The following RAB3C variants were observed in gnomAD, a reference collection of about 807,000 sequenced individuals.
RAB3C encodes RAB3C, member RAS oncogene family.
In RAB3C, 17 loss-of-function variants were observed where a neutral mutation model predicts 26.4. The observed-to-expected ratio is 0.64, with a 90% CI of 0.44 to 0.97. The LOEUF (loss-of-function observed/expected upper bound fraction) is 0.97. Among genes scored for constraint, RAB3C ranks in the 50% least tolerant of loss-of-function variants. The pLI is 0.00. For missense variants in RAB3C, 242 were observed against 281.9 expected, an observed-to-expected ratio of 0.86 and a Z score of 1.01; for synonymous variants, 91 against 95.9, an observed-to-expected ratio of 0.95 and a Z score of 0.30.
Position 58,854,643 on chromosome 5 carries a change from A to T in RAB3C, c.*3292A>T, listed in dbSNP as rs1321165446. ...ACTTCTAATGACTGTGAAAGCTAGG[A>T]GGTTCTTCTAGTTCCTCCTTAGGGT... is the stretch of plus-strand genomic sequence containing the variant. On this transcript the variant is annotated 3_prime_UTR_variant, in exon 5 of 5. Transcript: ENST00000282878. The T allele has an allele frequency of 2.6e-5, 4 of 152,202 alleles. No individual in the cohort carries two copies. In the East Asian group the frequency reaches 7.7e-4, roughly 29 times the overall value. 9.4% of individuals were successfully genotyped at this position (152,202 alleles called of 1,614,324 possible). A position where few individuals can be genotyped will look rare whatever the true frequency, so the allele number is the denominator to read the frequency against.
At position 58,715,547 on chromosome 5, in the gene RAB3C, G is replaced by C. The variant is rs138801946; in HGVS notation, c.253-10455G>C. Among the ~76,000 whole-genome samples, 15 of 152,054 alleles carry C rather than the reference G, an allele frequency of 9.9e-5. No homozygotes were observed. In the East Asian group the frequency reaches 2.7e-3, roughly 28 times the overall value. ...GTTGTGATTAAAGATTTTAAGTGCCGGTGACACAGTAGATTTTGGAGAATT... is the reference window on the plus strand; with the variant it reads ...GTTGTGATTAAAGATTTTAAGTGCCCGTGACACAGTAGATTTTGGAGAATT... On this transcript the variant is annotated intron_variant, in intron 2 of 4. Coordinates refer to ENST00000282878, the MANE Select transcript of RAB3C (RefSeq NM_138453.4).
At chr5:58,709,934 C>T (rs182448427) in intron 2 of RAB3C, among the ~76,000 whole-genome samples, 1 of 152,206 alleles carries the variant, frequency 6.6e-6, no homozygotes, top group East Asian at 1.9e-4. Flanking sequence ...CTTAGGAGGC[C>T]GTGGGTAACT....
At chr5:58,749,290 A>AT (rs1008264412) in intron 3 of RAB3C, among the ~76,000 whole-genome samples, 15 of 152,288 alleles carry the variant, frequency 9.8e-5, no homozygotes, top group African/African-American at 3.6e-4. Context: ...AGAAATTGTG[A>AT]TTTTTAAAAA....
At chr5:58,752,727 CCTTTA>C (rs1239797990) in intron 3 of RAB3C, among the ~76,000 whole-genome samples, 2 of 152,114 alleles carry the variant, frequency 1.3e-5, no homozygotes, top group Non-Finnish European at 1.5e-5. Context: ...ATCTGAATTT[CCTTTA>C]CTTTGCTCAA....
intron 2 of RAB3C, among the ~76,000 whole-genome samples, chr5:58,722,273 T>A (rs1394552168): frequency 6.6e-6 from 1 of 151,590 alleles, no homozygotes; most frequent in Non-Finnish European, 1.5e-5. Context: ...ACAGAAAAGG[T>A]CTGGGTCACC....
intron 3 of RAB3C, among the ~76,000 whole-genome samples, chr5:58,773,803 C>G (rs1742072539): frequency 6.6e-6 from 1 of 152,108 alleles, no homozygotes; most frequent in African/African-American, 2.4e-5. Context: ...ACATCCTCTT[C>G]TAGCAATTCC....
intron 4 of RAB3C, among the ~76,000 whole-genome samples, chr5:58,841,326 TC>T (rs1284085197): frequency 6.6e-6 from 1 of 152,164 alleles, no homozygotes; most frequent in East Asian, 1.9e-4. Context: ...GGAGTTGTTT[TC>T]CCTGCTGTGC....
chr5:58,811,733 G>T (rs1211893373), intron 3 of RAB3C, among the ~76,000 whole-genome samples: 1 of 151,418 alleles, frequency 6.6e-6, no homozygotes, highest in African/African-American at 2.4e-5. Context: ...AGGACAGTCA[G>T]AGCTAAACTC....
intron 2 of RAB3C, among the ~76,000 whole-genome samples, chr5:58,687,832 C>T (rs1019355942): frequency 2.0e-5 from 3 of 152,040 alleles, no homozygotes; most frequent in African/African-American, 7.2e-5. Flanking sequence ...CTAGTCACTA[C>T]TGTATTATTT....
At chr5:58,703,793 A>G (rs773864656) in intron 2 of RAB3C, among the ~76,000 whole-genome samples, 4 of 152,206 alleles carry the variant, frequency 2.6e-5, no homozygotes, top group Non-Finnish European at 5.9e-5. Context: ...AAATTTGAGC[A>G]TCACTACACT....
At chr5:58,791,698 A>G (rs1174587253) in intron 3 of RAB3C, among the ~76,000 whole-genome samples, 3 of 152,246 alleles carry the variant, frequency 2.0e-5, no homozygotes, top group Non-Finnish European at 2.9e-5. Flanking sequence ...GTTTATAATA[A>G]AAGAGACTGT....
intron 3 of RAB3C, among the ~76,000 whole-genome samples, chr5:58,810,415 G>GTGTT (rs1337963410): frequency 6.7e-6 from 1 of 149,466 alleles, no homozygotes; most frequent in Non-Finnish European, 1.5e-5. Context: ...GTGTGTGTGT[G>GTGTT]TTTTCTTAGA....
At chr5:58,596,173 A>T (rs963591379) in intron 1 of RAB3C, among the ~76,000 whole-genome samples, 2 of 151,950 alleles carry the variant, frequency 1.3e-5, no homozygotes, top group Non-Finnish European at 2.9e-5. Context: ...ATTCCCAGGC[A>T]AACTAGGACA....
At chr5:58,799,774 T>C (rs1260256932) in intron 3 of RAB3C, among the ~76,000 whole-genome samples, 1 of 152,132 alleles carries the variant, frequency 6.6e-6, no homozygotes, top group African/African-American at 2.4e-5. Flanking sequence ...CATGCTGGGA[T>C]CTAAATGAAT....
chr5:58,618,872 G>A (rs188001206), intron 2 of RAB3C, among the ~76,000 whole-genome samples: 2 of 152,238 alleles, frequency 1.3e-5, no homozygotes, highest in African/African-American at 4.8e-5. Context: ...ATTTACAACA[G>A]CTACTACCAT....
chr5:58,676,978 T>G (rs1748243413), intron 2 of RAB3C, among the ~76,000 whole-genome samples: 1 of 152,130 alleles, frequency 6.6e-6, no homozygotes, highest in East Asian at 1.9e-4. Flanking sequence ...AGAAATTTAT[T>G]GCCTCACTCT....
At chr5:58,747,195 A>G (rs1331014949) in intron 3 of RAB3C, among the ~76,000 whole-genome samples, 1 of 152,228 alleles carries the variant, frequency 6.6e-6, no homozygotes, top group Admixed American at 6.5e-5. Flanking sequence ...ATAATATTTG[A>G]AGGATCTTTA....
chr5:58,740,821 G>A (rs1422218925), intron 3 of RAB3C, among the ~76,000 whole-genome samples: 1 of 151,764 alleles, frequency 6.6e-6, no homozygotes, highest in Non-Finnish European at 1.5e-5. Flanking sequence ...CTCCATCTCA[G>A]AAAAATATAT....
intron 1 of RAB3C, among the ~76,000 whole-genome samples, chr5:58,614,360 C>T (rs1746779076): frequency 6.6e-6 from 1 of 151,986 alleles, no homozygotes. Flanking sequence ...TTTCTTCATC[C>T]TCTGAGCTAG....
Sources: gnomAD v4.1 joint callset for allele counts (sites outside exome capture counted in the v4.1 genomes callset) on GRCh38, gnomAD v4.1.1 for gene constraint, MANE v1.5 for transcripts, NCBI Gene and HGNC (gene_info 2026-07-23, HGNC 2026-07-21) for gene names.